Variants in ERC1 observed in about 807,000 individuals in gnomAD.
ERC1 encodes the protein RAB6 interacting protein 2.
In ERC1, 56 loss-of-function variants were observed where a neutral mutation model predicts 132.0. That is an observed-to-expected ratio of 0.42 (90% CI 0.34 to 0.53). ERC1 has a LOEUF of 0.53. ERC1 is among the 20% of genes least tolerant of loss of function. ERC1 has a pLI of 0.03. For missense variants in ERC1, 1,202 were observed against 1,349.9 expected (o/e 0.89, Z 1.72); for synonymous variants, 478 against 476.1 (o/e 1.00, Z -0.05).
chr12:1,335,502 T>C (rs1221285468), intron 15 of ERC1, among the ~76,000 whole-genome samples: 1 of 152,190 alleles, frequency 6.6e-6, no homozygotes, highest in Non-Finnish European at 1.5e-5. Context: ...AGTTTTTGTC[T>C]TTAGTTCTGT....
At chr12:1,480,014 G>A (rs764835167) in intron 18 of ERC1, among the ~76,000 whole-genome samples, 7 of 151,756 alleles carry the variant, frequency 4.6e-5, no homozygotes, top group Non-Finnish European at 8.8e-5. Context: ...TACCGAAGGT[G>A]TATACTTGTA....
chr12:1,207,018 C>T (rs146966849), intron 12 of ERC1, among the ~76,000 whole-genome samples: 1 of 152,126 alleles, frequency 6.6e-6, no homozygotes, highest in Non-Finnish European at 1.5e-5. Context: ...AGGGTTAAGA[C>T]CAGAGTCCCT....
At chr12:1,375,625 C>T (rs779974844) in intron 16 of ERC1, among the ~76,000 whole-genome samples, 1 of 152,126 alleles carries the variant, frequency 6.6e-6, no homozygotes, top group Non-Finnish European at 1.5e-5. Flanking sequence ...TTAGAGTCCC[C>T]CCTTCCATTC....
chr12:1,094,081 C>T (rs1270046171), intron 3 of ERC1, among the ~76,000 whole-genome samples: 7 of 146,770 alleles, frequency 4.8e-5, no homozygotes, highest in African/African-American at 1.7e-4. Flanking sequence ...TGCAGTGGTG[C>T]AATCTCAGCT....
chr12:1,021,960 T>G (rs1966452044), intron 1 of ERC1, among the ~76,000 whole-genome samples: 1 of 152,228 alleles, frequency 6.6e-6, no homozygotes, highest in Admixed American at 6.5e-5. Flanking sequence ...GTAAGTAGGG[T>G]TAAATAAAAT....
At chr12:1,234,034 A>G (rs1389726758) in intron 12 of ERC1, among the ~76,000 whole-genome samples, 2 of 152,214 alleles carry the variant, frequency 1.3e-5, no homozygotes, top group African/African-American at 4.8e-5. Flanking sequence ...TAATGACATG[A>G]TATCTGGAAT....
intron 12 of ERC1, among the ~76,000 whole-genome samples, chr12:1,234,027 T>A (rs927695794): frequency 1.3e-5 from 2 of 152,232 alleles, no homozygotes; most frequent in Admixed American, 6.5e-5. Context: ...AAGGGTATAA[T>A]GACATGATAT....
chr12:1,063,425 T>A (rs1487561804), intron 2 of ERC1, among the ~76,000 whole-genome samples: 1 of 152,176 alleles, frequency 6.6e-6, no homozygotes, highest in African/African-American at 2.4e-5. Context: ...CACGCCTGGC[T>A]AATTTTTGTA....
rs1036406697 is a variant in ERC1 at position 1,191,734 on chromosome 12, C to T, written c.2351+1682C>T. Reference sequence around the variant, plus strand: ...TTGAGAAAGAGTTGTAAATGATCTACTCTTTCCACAGAATGTAACTCTTAT... The same window carrying T: ...TTGAGAAAGAGTTGTAAATGATCTATTCTTTCCACAGAATGTAACTCTTAT... On this transcript the variant is annotated intron_variant, in intron 12 of 18. Coordinates refer to ENST00000360905, the MANE Select transcript of ERC1 (RefSeq NM_178040.4). 4.6e-5 allele frequency among the ~76,000 whole-genome samples: 7 copies of T among 152,190 alleles called. No individual in the cohort carries two copies. The East Asian group carries it at 9.6e-4, about 21-fold the overall frequency.
rs1332848672 is a variant in ERC1, at chr12:1,490,188, C to T, written c.3309C>T (p.Asp1103=). ...AGCAGATAGCAGACCATTGTCCCGA[C>T]ATCCTAGAGCAAGTGGTCAACGCCC... ...ILQQIADHCP[D]ILEQVVNALE... is the part of the protein sequence containing the mutation. Residue 1103 remains aspartate (D), a synonymous_variant, in exon 19 of 19, where the codon GAC becomes GAT. Transcript: ENST00000360905. The T allele has an allele frequency of 6.2e-7, 1 of 1,614,212 alleles. No homozygotes were observed. Among genetic ancestry groups the T allele is most frequent in the Non-Finnish European group, 8.5e-7 (1 of 1,180,038 alleles).
intron 13 of ERC1, among the ~76,000 whole-genome samples, chr12:1,242,770 C>T (rs900988014): frequency 1.2e-4 from 18 of 151,908 alleles, no homozygotes; most frequent in Admixed American, 7.2e-4. Flanking sequence ...ATTCAGCCAA[C>T]GGTGGATTGA....
chr12:1,418,241 G>A (rs966317569), intron 17 of ERC1, among the ~76,000 whole-genome samples: 3 of 152,276 alleles, frequency 2.0e-5, no homozygotes, highest in Middle Eastern at 3.4e-3. Context: ...AATATGGCAC[G>A]TTGGCATTGG....
At position 1,389,778 on chromosome 12, in the gene ERC1, C is replaced by T. The variant is rs144003616; in HGVS notation, c.2925+17801C>T. ...CATAAATGTAGTCTTGAAAAGCACT[C>T]CCTCAAGAAAAGAATTCTGTCCAAA... On this transcript the variant is annotated intron_variant, in intron 16 of 18. Coordinates refer to ENST00000360905, the MANE Select transcript of ERC1 (RefSeq NM_178040.4). 5.0e-3 allele frequency among the ~76,000 whole-genome samples: 754 copies of T among 152,278 alleles called. 5 individuals are homozygous for T. Among genetic ancestry groups the T allele is most frequent in the Admixed American group, 9.9e-3 (152 of 15,284 alleles).
intron 15 of ERC1, among the ~76,000 whole-genome samples, chr12:1,344,857 A>G (rs1233316457): frequency 6.6e-6 from 1 of 152,214 alleles, no homozygotes; most frequent in Non-Finnish European, 1.5e-5. Context: ...CTAGGGTCAT[A>G]CAACTAGTAA....
intron 2 of ERC1, among the ~76,000 whole-genome samples, chr12:1,028,821 C>G (rs1967385110): frequency 6.7e-6 from 1 of 148,968 alleles, no homozygotes; most frequent in African/African-American, 2.5e-5. Flanking sequence ...TTCTCTTTCT[C>G]TTCGTGTCTT....
Position 1,368,541 on chromosome 12 carries a change from T to G in ERC1, c.2781-3292T>G, listed in dbSNP as rs534128631. ...TTTAGACACTCTCAAGTGTGCCATG[T>G]AAAACTTAATCAGGTAAGTCCGACT... On this transcript the variant is annotated intron_variant, in intron 15 of 18. Transcript: ENST00000360905. Among the ~76,000 whole-genome samples the G allele has an allele frequency of 1.8e-4, 28 of 152,318 alleles. No individual in the cohort carries two copies. The South Asian group carries it at 5.4e-3, about 29-fold the overall frequency.
chr12:1,122,303 CTGTGTCTCTATCTCTATCTCTATCTCT>C, intron 7 of ERC1, among the ~76,000 whole-genome samples: 1 of 822 alleles, frequency 1.2e-3, no homozygotes, highest in African/African-American at 2.2e-3. Context: ...CTATCTCTAT[CTGTGTCTCTATCTCTATCTCTATCTCT>C]ATCTCTATCT....
In ERC1 at chr12:1,093,957, C is replaced by CTATATATATATATATATATATATATATA. The variant is rs202076174; in HGVS notation, c.1086+10378_1086+10405dup. Among the ~76,000 whole-genome samples, 108 of 68,838 alleles carry CTATATATATATATATATATATATATATA rather than the reference C, an allele frequency of 1.6e-3. 7 individuals are homozygous for CTATATATATATATATATATATATATATA. Among genetic ancestry groups the CTATATATATATATATATATATATATATA allele is most frequent in the Non-Finnish European group, 2.3e-3 (79 of 34,184 alleles). 45.2% of individuals were successfully genotyped at this position (68,838 alleles called of 152,430 possible). On this transcript the variant is annotated intron_variant, in intron 3 of 18. Transcript: ENST00000360905. Reference sequence around the variant, plus strand: ...TTTCTATATAAATATATATATTTTTCTATATATATATATATATATATATAT... The same window carrying CTATATATATATATATATATATATATATA: ...TTTCTATATAAATATATATATTTTTCTATATATATATATATATATATATATATATATATATATATATATATATATATAT...
At chr12:1,132,303 G>A (rs1054358117) in intron 7 of ERC1, among the ~76,000 whole-genome samples, 1 of 18,090 alleles carries the variant, frequency 5.5e-5, no homozygotes, top group Non-Finnish European at 2.1e-3. Flanking sequence ...AATAATTAGG[G>A]GTATGGACGG....
Sources: gnomAD v4.1 joint callset for allele counts (sites outside exome capture counted in the v4.1 genomes callset) on GRCh38, gnomAD v4.1.1 for gene constraint, MANE v1.5 for transcripts, NCBI Gene and HGNC (gene_info 2026-07-23, HGNC 2026-07-21) for gene names.